Variants in IPO11 observed in about 807,000 individuals in gnomAD.
IPO11 encodes the protein importin-11.
A neutral mutation model predicts 143.2 loss-of-function variants in IPO11; 66 were observed. The observed-to-expected ratio is 0.46, with a 90% CI of 0.38 to 0.57. The LOEUF (loss-of-function observed/expected upper bound fraction) is 0.57, where lower values mean the gene tolerates loss of function less well. IPO11 is among the 20% of genes least tolerant of loss of function. The pLI, the probability that IPO11 is intolerant of heterozygous loss-of-function variation, is 0.00. For synonymous variants in IPO11, 385 were observed against 377.8 expected (o/e 1.02, Z -0.22); for missense variants, 1,026 against 1,141.0 (o/e 0.90, Z 1.45).
At chr5:62,610,616 A>G (rs1745892750) in intron 29 of IPO11, among the ~76,000 whole-genome samples, 1 of 152,214 alleles carries the variant, frequency 6.6e-6, no homozygotes, top group Non-Finnish European at 1.5e-5. Context: ...TAACAATATT[A>G]AAAGCATTTC....
intron 29 of IPO11, among the ~76,000 whole-genome samples, chr5:62,606,081 G>C (rs1745703448): frequency 6.6e-6 from 1 of 151,972 alleles, no homozygotes; most frequent in Non-Finnish European, 1.5e-5. Context: ...AATGAAAACT[G>C]TATGTATCTG....
intron 2 of IPO11, among the ~76,000 whole-genome samples, chr5:62,440,339 T>C (rs147759721): frequency 1.4e-3 from 208 of 151,162 alleles, no homozygotes; most frequent in African/African-American, 4.7e-3. Context: ...GGCTGTATAG[T>C]GTACGTCCCC....
At position 62,435,138 on chromosome 5, in the gene IPO11, ATATATG is replaced by A. The variant is rs375547657; in HGVS notation, c.-6-2130_-6-2125del. Among the ~76,000 whole-genome samples the A allele has an allele frequency of 9.8e-4, 62 of 63,198 alleles. 1 individual carries two copies. The East Asian group carries it at 0.011, about 11-fold the overall frequency. The allele number at this position is 63,198 out of a possible 152,430, so 41.5% of individuals were successfully genotyped here. ...TATATGTATATATGTATATATATGT[ATATATG>A]TATATATGTATATATATGTATATAT... is the stretch of plus-strand genomic sequence containing the variant. On this transcript the variant is annotated intron_variant, in intron 1 of 29. Coordinates refer to ENST00000325324, the MANE Select transcript of IPO11 (RefSeq NM_016338.5).
chr5:62,512,187 G>A (rs1315606781), intron 19 of IPO11: 9 of 1,360,386 alleles, frequency 6.6e-6, no homozygotes, highest in Middle Eastern at 2.5e-4. Flanking sequence ...TCAGAAAGAT[G>A]TTAGGAAGTA....
intron 28 of IPO11, among the ~76,000 whole-genome samples, chr5:62,594,883 T>C (rs1374756040): frequency 6.6e-6 from 1 of 152,146 alleles, no homozygotes; most frequent in East Asian, 1.9e-4. Flanking sequence ...ATGTAGTGGA[T>C]TGGAGCCAAC....
At chr5:62,626,046 TC>T (rs1224505720) in intron 29 of IPO11, among the ~76,000 whole-genome samples, 1 of 152,190 alleles carries the variant, frequency 6.6e-6, no homozygotes, top group Admixed American at 6.5e-5. Context: ...CTTTTTTTTT[TC>T]GAGACGGAGT....
chr5:62,598,539 TCTTTC>T (rs1745368212), intron 28 of IPO11, among the ~76,000 whole-genome samples: 3 of 21,390 alleles, frequency 1.4e-4, no homozygotes, highest in African/African-American at 1.2e-3. Context: ...TTCTTTCTTT[TCTTTC>T]TTTTCTTTCT....
intron 29 of IPO11, among the ~76,000 whole-genome samples, chr5:62,612,227 G>A (rs1314266140): frequency 6.6e-6 from 1 of 152,116 alleles, no homozygotes; most frequent in East Asian, 1.9e-4. Context: ...CGATCTGTGA[G>A]TACATGTTAA....
intron 16 of IPO11, among the ~76,000 whole-genome samples, chr5:62,499,391 G>A (rs1388256070): frequency 2.6e-5 from 4 of 152,134 alleles, no homozygotes; most frequent in Non-Finnish European, 2.9e-5. Flanking sequence ...CTTGAATAGC[G>A]CTTGCAGGCT....
intron 29 of IPO11, among the ~76,000 whole-genome samples, chr5:62,617,485 T>C (rs1746183699): frequency 6.6e-6 from 1 of 152,192 alleles, no homozygotes; most frequent in Non-Finnish European, 1.5e-5. Flanking sequence ...CTTTTAGATA[T>C]CTAGCAGTCT....
At chr5:62,460,632 G>T (rs1375008414) in intron 5 of IPO11, among the ~76,000 whole-genome samples, 3 of 152,174 alleles carry the variant, frequency 2.0e-5, no homozygotes, top group Admixed American at 1.3e-4. Flanking sequence ...ATACTTTGGA[G>T]TCAAGGCTTT....
chr5:62,624,603 C>T (rs1476714739), intron 29 of IPO11, among the ~76,000 whole-genome samples: 1 of 152,098 alleles, frequency 6.6e-6, no homozygotes, highest in African/African-American at 2.4e-5. Flanking sequence ...GTGCTGAACT[C>T]CTATCTCATC....
At chr5:62,436,456 C>T (rs1185750490) in intron 1 of IPO11, among the ~76,000 whole-genome samples, 1 of 152,142 alleles carries the variant, frequency 6.6e-6, no homozygotes, top group Non-Finnish European at 1.5e-5. Context: ...ATATTTTTAG[C>T]TTTCAATTTT....
chr5:62,602,513 C>T (rs957476481), intron 29 of IPO11, among the ~76,000 whole-genome samples: 3 of 151,976 alleles, frequency 2.0e-5, no homozygotes, highest in Non-Finnish European at 4.4e-5. Flanking sequence ...ACCTTCTTTC[C>T]TCATTTGCAA....
In IPO11 at chr5:62,579,975, G is replaced by T. The variant is rs769277422; in HGVS notation, c.2583-11602G>T. ...TTGGGAGTGGTACCTTTGTTGGTAT[G>T]GTTGCTCTTCGGATACTTGATTTAT... On this transcript the variant is annotated intron_variant, in intron 27 of 29. Coordinates refer to ENST00000325324, the MANE Select transcript of IPO11 (RefSeq NM_016338.5). 110 of 1,551,092 alleles carry T rather than the reference G, an allele frequency of 7.1e-5. No individual in the cohort carries two copies. The highest frequency in any genetic ancestry group is 1.2e-4 in the African/African-American group (9 of 72,984).
At chr5:62,610,964 T>A (rs1362848799) in intron 29 of IPO11, among the ~76,000 whole-genome samples, 1 of 152,192 alleles carries the variant, frequency 6.6e-6, no homozygotes, top group Non-Finnish European at 1.5e-5. Flanking sequence ...GATGTACTTG[T>A]TTTTATCTAT....
At chr5:62,607,778 CT>C (rs990683468) in intron 29 of IPO11, among the ~76,000 whole-genome samples, 1 of 151,270 alleles carries the variant, frequency 6.6e-6, no homozygotes, top group Non-Finnish European at 1.5e-5. Flanking sequence ...ACATTTATCA[CT>C]TCTAGTATCA....
In IPO11 at chr5:62,437,302, C is replaced by T; in HGVS notation, c.23C>T (p.Thr8Ile). MDLNSAS[T>I]VVLQVLTQAT... is the part of the protein sequence containing the mutation. ...TCCATGGATCTCAATAGTGCCAGCA[C>T]TGTTGTTCTTCAGGTGTTAACACAG... is the stretch of plus-strand genomic sequence containing the variant. Residue 8 changes from threonine (T) to isoleucine (I), a missense_variant, in exon 2 of 30, where the codon ACT becomes ATT. Coordinates refer to ENST00000325324, the MANE Select transcript of IPO11 (RefSeq NM_016338.5). 1 of 1,610,272 alleles carries T rather than the reference C, an allele frequency of 6.2e-7. No individual in the cohort carries two copies.
chr5:62,611,128 G>T (rs1462269855), intron 29 of IPO11, among the ~76,000 whole-genome samples: 1 of 152,094 alleles, frequency 6.6e-6, no homozygotes, highest in Non-Finnish European at 1.5e-5. Flanking sequence ...TTTCAAAATT[G>T]TAAACCAAAC....
Sources: gnomAD v4.1 joint callset for allele counts (sites outside exome capture counted in the v4.1 genomes callset) on GRCh38, gnomAD v4.1.1 for gene constraint, MANE v1.5 for transcripts, NCBI Gene and HGNC (gene_info 2026-07-23, HGNC 2026-07-21) for gene names.